TYW1: variants seen among roughly 807,000 people sequenced by gnomAD.
TYW1 encodes tRNA-yW synthesizing protein 1 homolog.
In TYW1, 46 loss-of-function variants were observed where a neutral mutation model predicts 96.2. The ratio of observed to expected loss-of-function variants is 0.48; its 90% confidence interval spans 0.38 to 0.61. TYW1 has a LOEUF of 0.61. TYW1 is among the 20% of genes least tolerant of loss of function. The probability of loss-of-function intolerance (pLI) is 0.00; values close to 1 mark genes in which losing one functional copy is unlikely to be tolerated. For missense variants in TYW1, 684 were observed against 909.6 expected, an observed-to-expected ratio of 0.75 and a Z score of 3.19; for synonymous variants, 274 against 323.0, an observed-to-expected ratio of 0.85 and a Z score of 1.63.
intron 14 of TYW1, among the ~76,000 whole-genome samples, chr7:67,185,832 A>G (rs1268494257): frequency 6.6e-6 from 1 of 151,618 alleles, no homozygotes; most frequent in Non-Finnish European, 1.5e-5. Context: ...TGTCTGGGAA[A>G]GCCAACTCTG....
At chr7:67,057,009 TTTTTC>T (rs1368498107) in intron 9 of TYW1, among the ~76,000 whole-genome samples, 122 of 151,228 alleles carry the variant, frequency 8.1e-4, no homozygotes, top group African/African-American at 2.8e-3. Flanking sequence ...CTCATTGAGT[TTTTTC>T]TTTTCTTTTT....
rs1465916354 is a variant in TYW1 at position 67,181,221 on chromosome 7, C to A, written c.1699-1905C>A. Among the ~76,000 whole-genome samples, 3 of 152,020 alleles carry A rather than the reference C, an allele frequency of 2.0e-5. No individual in the cohort carries two copies. In the East Asian group the frequency reaches 5.8e-4, roughly 29 times the overall value. ...CCTAATATTGAATTGTTTTTGCATTCCCGGAATTTTTAACAAAATGCTGAA... is the reference window on the plus strand; with the variant it reads ...CCTAATATTGAATTGTTTTTGCATTACCGGAATTTTTAACAAAATGCTGAA... On this transcript the variant is annotated intron_variant, in intron 13 of 15. Coordinates refer to ENST00000359626, the MANE Select transcript of TYW1 (RefSeq NM_018264.4).
chr7:67,103,612 A>C (rs1330122443), intron 12 of TYW1, among the ~76,000 whole-genome samples: 1 of 152,150 alleles, frequency 6.6e-6, no homozygotes, highest in Non-Finnish European at 1.5e-5. Flanking sequence ...CAGAAAGAAA[A>C]AGTTTTCTAA....
At chr7:67,195,475 A>T in intron 15 of TYW1, 138 bp downstream of exon 15, 1 of 1,323,666 alleles carries the variant, frequency 7.6e-7, no homozygotes, top group South Asian at 1.4e-5. Context: ...AAAATAAGAG[A>T]GCACTAAATT....
chr7:67,159,632 A>C (rs1382059256), intron 13 of TYW1, among the ~76,000 whole-genome samples: 1 of 151,948 alleles, frequency 6.6e-6, no homozygotes, highest in Non-Finnish European at 1.5e-5. Context: ...CCCCACCTCC[A>C]AAGGTAGCCA....
At chr7:67,005,962 C>T (rs1793568866) in intron 3 of TYW1, among the ~76,000 whole-genome samples, 2 of 152,118 alleles carry the variant, frequency 1.3e-5, no homozygotes, top group East Asian at 3.9e-4. Flanking sequence ...CCTCATGGTT[C>T]TCCCAGTTCC....
At chr7:67,122,797 A>G (rs2116008020) in intron 13 of TYW1, among the ~76,000 whole-genome samples, 1 of 152,202 alleles carries the variant, frequency 6.6e-6, no homozygotes, top group East Asian at 1.9e-4. Flanking sequence ...CCTTCTTCCC[A>G]TCCTAGAGGC....
intron 15 of TYW1, among the ~76,000 whole-genome samples, chr7:67,219,867 C>G (rs1286212740): frequency 9.7e-6 from 1 of 103,334 alleles, no homozygotes; most frequent in Non-Finnish European, 2.0e-5. Flanking sequence ...TTTTTCTATT[C>G]TCTATTTTGT....
rs1397682731 is a variant in TYW1, at chr7:67,116,340, A to G, written c.1563-1143A>G. On this transcript the variant is annotated intron_variant, in intron 12 of 15. Coordinates refer to ENST00000359626, the MANE Select transcript of TYW1 (RefSeq NM_018264.4). ...AATCCATCTCAAAAAAAAAAAAAGA[A>G]AAGAAAAGAAAAGAAAAAAAGTATA... Among the ~76,000 whole-genome samples the G allele has an allele frequency of 4.0e-5, 6 of 151,804 alleles. No homozygotes were observed. The East Asian group carries it at 9.7e-4, about 24-fold the overall frequency.
intron 7 of TYW1, among the ~76,000 whole-genome samples, chr7:67,041,640 G>A (rs534513639): frequency 3.3e-5 from 5 of 152,184 alleles, no homozygotes; most frequent in South Asian, 4.2e-4. Flanking sequence ...CACATTCCCC[G>A]AATGCTTTCC....
chr7:67,175,683 T>G (rs552410224), intron 13 of TYW1, among the ~76,000 whole-genome samples: 1 of 152,190 alleles, frequency 6.6e-6, no homozygotes, highest in Admixed American at 6.5e-5. Flanking sequence ...AGAAAGCTGG[T>G]AGGATAAGGT....
At chr7:67,133,249 A>G (rs1798139438) in intron 13 of TYW1, among the ~76,000 whole-genome samples, 1 of 137,636 alleles carries the variant, frequency 7.3e-6, no homozygotes, top group Non-Finnish European at 1.6e-5. Flanking sequence ...TGATCTTCCC[A>G]CCTCAGTCCC....
intron 10 of TYW1, among the ~76,000 whole-genome samples, chr7:67,069,492 A>G (rs192086490): frequency 1.3e-5 from 2 of 152,364 alleles, no homozygotes; most frequent in East Asian, 3.9e-4. Flanking sequence ...TAATACTAGC[A>G]TCTTGGGATG....
chr7:67,134,858 A>G (rs949153907), intron 13 of TYW1, among the ~76,000 whole-genome samples: 8 of 147,450 alleles, frequency 5.4e-5, no homozygotes, highest in Non-Finnish European at 1.2e-4. Context: ...CTGTAATCCC[A>G]GCACTTTGGG....
rs1157022518 is a variant in TYW1 at position 67,055,819 on chromosome 7, C to G, written c.1103-16C>G. ...TTGGATCAGTCCAACTTTGTGTTCC[C>G]TGCTTTTCCACTCAGGTTATCAGTT... On this transcript the variant is annotated splice_polypyrimidine_tract_variant and intron_variant, in intron 8 of 15. Transcript: ENST00000359626. The G allele has an allele frequency of 6.2e-7, 1 of 1,606,184 alleles. No individual in the cohort carries two copies. The highest frequency in any genetic ancestry group is 8.5e-7 in the Non-Finnish European group (1 of 1,176,946).
chr7:67,181,162 A>C (rs1162890161), intron 13 of TYW1, among the ~76,000 whole-genome samples: 1 of 152,182 alleles, frequency 6.6e-6, no homozygotes, highest in Non-Finnish European at 1.5e-5. Flanking sequence ...TTCTGTGTTG[A>C]ACTACTAGTA....
At chr7:67,005,295 C>CT (rs1384692162) in intron 3 of TYW1, among the ~76,000 whole-genome samples, 1 of 152,002 alleles carries the variant, frequency 6.6e-6, no homozygotes, top group Non-Finnish European at 1.5e-5. Context: ...TTAAATAAAC[C>CT]TTTTTAAAAC....
chr7:67,178,527 A>G (rs569190175), intron 13 of TYW1, among the ~76,000 whole-genome samples: 6 of 152,200 alleles, frequency 3.9e-5, no homozygotes, highest in Non-Finnish European at 8.8e-5. Flanking sequence ...TAATAGCTAA[A>G]ACCTGGACAT....
chr7:67,007,212 A>G (rs1026126662), intron 3 of TYW1, among the ~76,000 whole-genome samples: 3 of 152,030 alleles, frequency 2.0e-5, no homozygotes, highest in Non-Finnish European at 2.9e-5. Flanking sequence ...CTTCATTTAT[A>G]TAGGGTGTAA....
Sources: allele counts gnomAD v4.1 joint callset (sites outside exome capture counted in the v4.1 genomes callset), GRCh38; gene constraint gnomAD v4.1.1; transcripts MANE v1.5; gene names NCBI Gene and HGNC (gene_info 2026-07-23, HGNC 2026-07-21).